The following FHIT variants were observed in gnomAD, a reference collection of about 807,000 sequenced individuals.
The protein encoded by FHIT is fragile histidine triad diadenosine triphosphatase.
In FHIT, 19 loss-of-function variants were observed where a neutral mutation model predicts 17.9. The observed-to-expected ratio is 1.06, with a 90% confidence interval of 0.74 to 1.56. FHIT has a LOEUF of 1.56. FHIT is among the 40% of genes most tolerant of loss of function. FHIT has a pLI of 0.00. For synonymous variants in FHIT, 81 were observed against 69.7 expected, an observed-to-expected ratio of 1.16 and a Z score of -0.81; for missense variants, 248 against 189.2, an observed-to-expected ratio of 1.31 and a Z score of -1.82.
At position 60,575,192 on chromosome 3, in the gene FHIT, A is replaced by C. The variant is rs185798276; in HGVS notation, c.-17-38213T>G. Among the ~76,000 whole-genome samples the C allele has an allele frequency of 6.0e-4, 92 of 152,284 alleles. 1 individual carries two copies. The highest frequency in any genetic ancestry group is 3.4e-3 in the Middle Eastern group (1 of 294). ...AGAAAGCGACTGTTGGACTTGGCTG[A>C]GTAGGTTGATAGCAAGCTAGTAAGA... On this transcript the variant is annotated intron_variant, in intron 4 of 9. Transcript: ENST00000492590.
chr3:59,911,016 A>G (rs1559722464), intron 8 of FHIT, among the ~76,000 whole-genome samples: 1 of 152,210 alleles, frequency 6.6e-6, no homozygotes, highest in Non-Finnish European at 1.5e-5. Context: ...GGTATACTAC[A>G]GTTTTTGAAA....
At chr3:60,399,602 G>A (rs956892127) in intron 5 of FHIT, among the ~76,000 whole-genome samples, 1 of 152,152 alleles carries the variant, frequency 6.6e-6, no homozygotes, top group Admixed American at 6.5e-5. Flanking sequence ...TCAGAAAGGT[G>A]AGCAGGTGAA....
rs1384940024 is a variant in FHIT at position 60,153,616 on chromosome 3, A to C, written c.104-139464T>G. Among the ~76,000 whole-genome samples the C allele has an allele frequency of 2.0e-5, 3 of 152,292 alleles. No individual in the cohort carries two copies. The East Asian group carries it at 5.8e-4, about 29-fold the overall frequency. ...GCTTTTCTTTGTTCTTCCCAGTCTT[A>C]GGGACACCAATCCAGATAGAATTAC... On this transcript the variant is annotated intron_variant, in intron 5 of 9. Coordinates refer to ENST00000492590, the MANE Select transcript of FHIT (RefSeq NM_002012.4).
At chr3:59,942,588 C>G (rs1423842478) in intron 7 of FHIT, among the ~76,000 whole-genome samples, 1 of 152,162 alleles carries the variant, frequency 6.6e-6, no homozygotes, top group African/African-American at 2.4e-5. Flanking sequence ...TCAGAGCTTT[C>G]CAAGACTCCA....
chr3:60,551,931 C>T (rs1172418123), intron 4 of FHIT, among the ~76,000 whole-genome samples: 1 of 151,862 alleles, frequency 6.6e-6, no homozygotes, highest in Admixed American at 6.6e-5. Context: ...TCATAACTAC[C>T]TAATTCAGAA....
chr3:60,436,295 C>A (rs972986399), intron 5 of FHIT, among the ~76,000 whole-genome samples: 2 of 152,070 alleles, frequency 1.3e-5, no homozygotes, highest in African/African-American at 4.8e-5. Context: ...AGTGATCCAC[C>A]CACCTCGGCC....
intron 4 of FHIT, among the ~76,000 whole-genome samples, chr3:60,670,438 C>G (rs1182015492): frequency 6.6e-6 from 1 of 152,146 alleles, no homozygotes; most frequent in Non-Finnish European, 1.5e-5. Context: ...CCTTTGTGTA[C>G]AGTAGCGACA....
intron 5 of FHIT, among the ~76,000 whole-genome samples, chr3:60,372,292 A>G (rs1023356103): frequency 6.6e-6 from 1 of 152,152 alleles, no homozygotes; most frequent in Non-Finnish European, 1.5e-5. Flanking sequence ...TTACCTGAGC[A>G]TAGAGCACCA....
chr3:61,212,620 G>A (rs1393778627), intron 1 of FHIT, among the ~76,000 whole-genome samples: 1 of 152,142 alleles, frequency 6.6e-6, no homozygotes, highest in Non-Finnish European at 1.5e-5. Context: ...TAGCAAGGCA[G>A]GCCAACATTC....
intron 4 of FHIT, among the ~76,000 whole-genome samples, chr3:60,721,451 C>G (rs2041807802): frequency 6.6e-6 from 1 of 152,084 alleles, no homozygotes; most frequent in South Asian, 2.1e-4. Context: ...AGAATGCAGG[C>G]CTCATACAAT....
chr3:59,939,473 C>G (rs1372729932), intron 7 of FHIT, among the ~76,000 whole-genome samples: 1 of 152,104 alleles, frequency 6.6e-6, no homozygotes, highest in East Asian at 1.9e-4. Context: ...CATGGATGCT[C>G]CCTCAAGGTG....
At chr3:60,187,837 C>A (rs781455281) in intron 5 of FHIT, among the ~76,000 whole-genome samples, 11 of 152,136 alleles carry the variant, frequency 7.2e-5, no homozygotes, top group Admixed American at 2.6e-4. Context: ...TTCAGCCTTA[C>A]TGATCATAGC....
intron 4 of FHIT, among the ~76,000 whole-genome samples, chr3:60,555,862 G>T (rs959843388): frequency 2.0e-5 from 3 of 152,180 alleles, no homozygotes; most frequent in African/African-American, 7.2e-5. Context: ...ATTTCTGTCT[G>T]CAGGCAAGCT....
intron 4 of FHIT, among the ~76,000 whole-genome samples, chr3:60,548,286 C>T (rs2036436051): frequency 6.6e-6 from 1 of 152,126 alleles, no homozygotes; most frequent in African/African-American, 2.4e-5. Context: ...AATCCCTTTG[C>T]ACTAAAGCCA....
At chr3:60,442,690 T>C (rs1351249895) in intron 5 of FHIT, among the ~76,000 whole-genome samples, 1 of 152,182 alleles carries the variant, frequency 6.6e-6, no homozygotes, top group African/African-American at 2.4e-5. Context: ...GTAGTATAGT[T>C]TGAAGTCAGG....
chr3:59,880,904 G>A (rs1054547756), intron 8 of FHIT, among the ~76,000 whole-genome samples: 2 of 152,112 alleles, frequency 1.3e-5, no homozygotes, highest in Admixed American at 1.3e-4. Flanking sequence ...GAATGAATGG[G>A]TATTGGTCTT....
rs780972311 is a variant in FHIT, at chr3:60,063,848, T to G, written c.104-49696A>C. Among the ~76,000 whole-genome samples, 61 of 152,152 alleles carry G rather than the reference T, an allele frequency of 4.0e-4. 1 individual carries two copies. The highest frequency in any genetic ancestry group is 1.9e-4 in the Non-Finnish European group (13 of 68,022). ...GAGAAGAAAACCCATATACCATCCA[T>G]TGGGTTAAACGCGTTTTGATTTATC... On this transcript the variant is annotated intron_variant, in intron 5 of 9. Transcript: ENST00000492590.
chr3:60,049,735 C>G (rs1007745668), intron 5 of FHIT, among the ~76,000 whole-genome samples: 5 of 152,060 alleles, frequency 3.3e-5, no homozygotes, highest in African/African-American at 1.2e-4. Flanking sequence ...TGTGTGGCTA[C>G]TAAAAATCTT....
At chr3:60,162,272 T>C (rs1700974506) in intron 5 of FHIT, among the ~76,000 whole-genome samples, 1 of 152,206 alleles carries the variant, frequency 6.6e-6, no homozygotes, top group Non-Finnish European at 1.5e-5. Flanking sequence ...TAACTTCCAA[T>C]GTAGATCTTT....
Sources: allele counts gnomAD v4.1 joint callset (sites outside exome capture counted in the v4.1 genomes callset), GRCh38; gene constraint gnomAD v4.1.1; transcripts MANE v1.5; gene names NCBI Gene and HGNC (gene_info 2026-07-23, HGNC 2026-07-21).